SLF2: variants seen among roughly 807,000 people sequenced by gnomAD.
SLF2 encodes SMC5/6 complex localization factor 2.
SLF2 carries 68 observed loss-of-function variants against 124.3 expected under a neutral mutation model. The observed-to-expected ratio is 0.55, with a 90% CI of 0.45 to 0.67. SLF2 has a LOEUF of 0.67. Ranked by LOEUF, SLF2 falls within the 30% of genes least tolerant of loss-of-function variation. SLF2 has a pLI of 0.00. For missense variants in SLF2, 1,246 were observed against 1,373.7 expected, an observed-to-expected ratio of 0.91 and a Z score of 1.47; for synonymous variants, 480 against 478.8, an observed-to-expected ratio of 1.00 and a Z score of -0.03.
chr10:100,926,338 C>T (rs1218100656), intron 6 of SLF2: 13 of 1,388,342 alleles, frequency 9.4e-6, no homozygotes, highest in Middle Eastern at 2.6e-4. Context: ...GGTGTGATGG[C>T]TCATGCCTGT....
chr10:100,918,370 C>T lies in SLF2; in HGVS notation c.916-14C>T. The stretch of plus-strand genomic sequence containing the variant: ...CCCCAACACTTAATTAATTTTATCT[C>T]ATTGTGCTCATAGGAAAATGGACAT... On this transcript the variant is annotated splice_polypyrimidine_tract_variant and intron_variant, in intron 3 of 19. Transcript: ENST00000238961. The T allele has an allele frequency of 6.4e-7, 1 of 1,560,770 alleles. No homozygotes were observed. The highest frequency in any genetic ancestry group is 8.7e-7 in the Non-Finnish European group (1 of 1,143,334).
chr10:100,913,329 C>A, intron 1 of SLF2, 79 bp downstream of exon 1: 1 of 1,384,640 alleles, frequency 7.2e-7, no homozygotes, highest in Non-Finnish European at 9.4e-7. Context: ...CGCCGCTCTT[C>A]CAGTTCCCGC....
At chr10:100,936,851 A>T (rs1245385322) in intron 9 of SLF2, among the ~76,000 whole-genome samples, 1 of 134,044 alleles carries the variant, frequency 7.5e-6, no homozygotes, top group Non-Finnish European at 1.7e-5. Context: ...TTGTCTAATT[A>T]TAAATGAAAG....
intron 17 of SLF2, 148 bp downstream of exon 17, chr10:100,950,901 A>G: frequency 1.5e-6 from 1 of 652,840 alleles, no homozygotes; most frequent in Non-Finnish European, 2.7e-6. Context: ...TCCCATGTAT[A>G]CCAGAAAGAG....
At chr10:100,937,607 CGTTTTTTTTG>C (rs1849889754) in intron 10 of SLF2, 130 bp downstream of exon 10, 1 of 681,842 alleles carries the variant, frequency 1.5e-6, no homozygotes, top group Non-Finnish European at 2.4e-6. Flanking sequence ...AATCAAAAGT[CGTTTTTTTTG>C]GTTTTTTTTT....
intron 6 of SLF2, 61 bp downstream of exon 6, chr10:100,926,080 TTTTAA>T (rs752467675): frequency 6.2e-7 from 1 of 1,613,862 alleles, no homozygotes; most frequent in South Asian, 1.1e-5. Context: ...TGTGGCTTAC[TTTTAA>T]TTTACCTTTT....
rs374130733 is a variant in SLF2, at chr10:100,926,249, C to T, written c.2042+230C>T. 7.9e-5 allele frequency: 120 copies of T among 1,522,006 alleles called. 1 individual carries two copies. The East Asian group carries it at 1.5e-3, about 19-fold the overall frequency. 94.3% of individuals were successfully genotyped at this position (1,522,006 alleles called of 1,614,324 possible). A position where few individuals can be genotyped will look rare whatever the true frequency, so the allele number is the denominator to read the frequency against. ...ACTTGAGCCCAGGAGTTCAAGGCTGCGGTGAGTCGTGATGGCGCCACTTCA... is the reference window on the plus strand; with the variant it reads ...ACTTGAGCCCAGGAGTTCAAGGCTGTGGTGAGTCGTGATGGCGCCACTTCA... On this transcript the variant is annotated intron_variant, in intron 6 of 19. Transcript: ENST00000238961.
intron 18 of SLF2, 137 bp from the exon 19 acceptor site, chr10:100,959,291 C>A: frequency 6.1e-6 from 4 of 659,004 alleles, no homozygotes; most frequent in Non-Finnish European, 4.8e-6. Flanking sequence ...AGTTTATTTT[C>A]TCTTTGTTGA....
At position 100,924,798 on chromosome 10, in the gene SLF2, T is replaced by C. The variant is rs760187567; in HGVS notation, c.1797T>C (p.Gly599=). 109 of 1,613,762 alleles carry C rather than the reference T, an allele frequency of 6.8e-5. No homozygotes were observed. The highest frequency in any genetic ancestry group is 8.9e-5 in the Non-Finnish European group (105 of 1,179,970). Residue 599 remains glycine (G), a synonymous_variant, in exon 5 of 20, where the codon GGT becomes GGC. Transcript: ENST00000238961. Reference sequence around the variant, plus strand: ...GTGCACTGAAAAGAAAACTAAGGGGTGATTTTGATAGTGATGAAGAAAGTT... The same window carrying C: ...GTGCACTGAAAAGAAAACTAAGGGGCGATTTTGATAGTGATGAAGAAAGTT... The part of the protein sequence containing the change: ...GSSALKRKLR[G]DFDSDEESLG...
At chr10:100,949,719 C>A (rs888296722) in intron 15 of SLF2, among the ~76,000 whole-genome samples, 1 of 152,050 alleles carries the variant, frequency 6.6e-6, no homozygotes, top group Non-Finnish European at 1.5e-5. Context: ...CCTCAGCCTC[C>A]CGAGTAGCTA....
chr10:100,917,314 T>C lies in SLF2; in HGVS notation c.915+14T>C. 1 of 1,583,652 alleles carries C rather than the reference T, an allele frequency of 6.3e-7. No homozygotes were observed. Among genetic ancestry groups the C allele is most frequent in the Non-Finnish European group, 8.6e-7 (1 of 1,168,316 alleles). On this transcript the variant is annotated intron_variant, in intron 3 of 19. Transcript: ENST00000238961. ...CTGTCAAATGTGGTATGTGTAAGAA[T>C]TATTGAATTAGCATTGCTACTGCTA... is the stretch of plus-strand genomic sequence containing the variant.
chr10:100,913,288 G>A (rs771266601), intron 1 of SLF2, 38 bp downstream of exon 1: 6 of 1,525,134 alleles, frequency 3.9e-6, no homozygotes, highest in East Asian at 2.6e-5. Context: ...CCGGGTCGCG[G>A]GGGCAAGGGT....
Position 100,964,256 on chromosome 10 carries a change from G to A in SLF2, c.*2344G>A, listed in dbSNP as rs1564788550. The A allele has an allele frequency of 6.5e-6, 1 of 152,680 alleles. No individual in the cohort carries two copies. Among genetic ancestry groups the A allele is most frequent in the Non-Finnish European group, 1.5e-5 (1 of 68,048 alleles). 9.5% of individuals were successfully genotyped at this position (152,680 alleles called of 1,614,324 possible). On this transcript the variant is annotated 3_prime_UTR_variant, in exon 20 of 20. Coordinates refer to ENST00000238961, the MANE Select transcript of SLF2 (RefSeq NM_018121.4). ...ACTTGGCAAACGAAGCTTGCACTGA[G>A]TGGTGGTGTGTTTGGCAATATTACT... is the stretch of plus-strand genomic sequence containing the variant.
intron 15 of SLF2, among the ~76,000 whole-genome samples, chr10:100,949,062 G>C (rs1399361950): frequency 6.6e-6 from 1 of 152,204 alleles, no homozygotes; most frequent in Non-Finnish European, 1.5e-5. Context: ...ACTCTTATGG[G>C]TTAGTGTGGT....
At chr10:100,925,063 T>A (rs1480148342) in intron 5 of SLF2, 91 bp downstream of exon 5, 1 of 1,255,036 alleles carries the variant, frequency 8.0e-7, no homozygotes, top group East Asian at 2.4e-5. Context: ...ACTTTAAAAT[T>A]TAGTATTTAT....
intron 17 of SLF2, among the ~76,000 whole-genome samples, chr10:100,954,436 A>G (rs1276723180): frequency 6.6e-6 from 1 of 152,244 alleles, no homozygotes. Context: ...TCCTAGAAGT[A>G]GAATTGTTAG....
rs1850471823 is a variant in SLF2 at position 100,964,173 on chromosome 10, T to C, written c.*2261T>C. The C allele has an allele frequency of 6.6e-6, 1 of 152,620 alleles. No homozygotes were observed. The highest frequency in any genetic ancestry group is 2.4e-5 in the African/African-American group (1 of 41,438). 9.5% of individuals were successfully genotyped at this position (152,620 alleles called of 1,614,324 possible). A position where few individuals can be genotyped will look rare whatever the true frequency, so the allele number is the denominator to read the frequency against. ...CCTCCTGCTGCTATTGCCCGGTGAA[T>C]GGGATGGTAGAGAGGGAGAAATGTT... On this transcript the variant is annotated 3_prime_UTR_variant, in exon 20 of 20. Coordinates refer to ENST00000238961, the MANE Select transcript of SLF2 (RefSeq NM_018121.4).
chr10:100,938,488 C>T, intron 10 of SLF2, 107 bp from the exon 11 acceptor site: 1 of 1,121,586 alleles, frequency 8.9e-7, no homozygotes, highest in Admixed American at 2.5e-5. Flanking sequence ...GCTGTCATTT[C>T]TATAAAACCA....
intron 4 of SLF2, among the ~76,000 whole-genome samples, chr10:100,922,600 G>C (rs1436999291): frequency 6.6e-6 from 1 of 152,018 alleles, no homozygotes; most frequent in African/African-American, 2.4e-5. Flanking sequence ...AATACTGATT[G>C]CACAAATAGT....
Sources: allele counts gnomAD v4.1 joint callset (sites outside exome capture counted in the v4.1 genomes callset), GRCh38; gene constraint gnomAD v4.1.1; transcripts MANE v1.5; gene names NCBI Gene and HGNC (gene_info 2026-07-23, HGNC 2026-07-21).